CEP250: variants seen among roughly 807,000 people sequenced by gnomAD.
CEP250 encodes the protein centrosome-associated protein CEP250.
CEP250 carries 242 observed loss-of-function variants against 315.7 expected under a neutral mutation model. The observed-to-expected ratio is 0.77, with a 90% CI of 0.69 to 0.85. The LOEUF (loss-of-function observed/expected upper bound fraction) is 0.85, where lower values mean the gene tolerates loss of function less well. Among genes scored for constraint, CEP250 ranks in the 40% least tolerant of loss-of-function variants. The pLI is 0.00. For synonymous variants in CEP250, 1,088 were observed against 1,175.0 expected (o/e 0.93, Z 1.51); for missense variants, 2,515 against 2,886.4 (o/e 0.87, Z 2.95).
intron 3 of CEP250, among the ~76,000 whole-genome samples, 157 bp from the exon 4 acceptor site, chr20:35,462,108 G>T (rs2062769496): frequency 6.6e-6 from 1 of 152,222 alleles, no homozygotes; most frequent in South Asian, 2.1e-4. Flanking sequence ...CACTAGTCCT[G>T]TGAGCTTGTC....
Position 35,501,839 on chromosome 20 carries a change from T to G in CEP250, c.3899-6T>G, listed in dbSNP as rs771741325. ...ACCTCTCCTCTCCTCTCCTCTCTTC[T>G]CAAAGAGAAATCTAAGTGGGAAGGA... On this transcript the variant is annotated splice_region_variant and splice_polypyrimidine_tract_variant and intron_variant, in intron 28 of 34. Transcript: ENST00000397527. The G allele has an allele frequency of 8.8e-6, 14 of 1,595,424 alleles. No individual in the cohort carries two copies. The highest frequency in any genetic ancestry group is 7.0e-5 in the Admixed American group (4 of 56,754).
chr20:35,461,781 G>A (rs1601112780), intron 3 of CEP250, among the ~76,000 whole-genome samples: 2 of 152,190 alleles, frequency 1.3e-5, no homozygotes, highest in Admixed American at 1.3e-4. Flanking sequence ...ACAAAATGAC[G>A]TAATGCATGT....
At chr20:35,501,536 C>T (rs916880588) in intron 28 of CEP250, among the ~76,000 whole-genome samples, 2 of 152,138 alleles carry the variant, frequency 1.3e-5, no homozygotes, top group African/African-American at 4.8e-5. Flanking sequence ...CCAGTGTCAT[C>T]TGGCTCAACC....
rs2064399850 is a variant in CEP250, at chr20:35,513,598, C to T, written c.*1972C>T. On this transcript the variant is annotated 3_prime_UTR_variant, in exon 35 of 35. Coordinates refer to ENST00000397527, the MANE Select transcript of CEP250 (RefSeq NM_007186.6). ...ATGCTAGGAGTTGTCAGAGACAAGA[C>T]TTCTCTTGGTTGTTCACTTGTTACA... The T allele has an allele frequency of 6.6e-6, 1 of 152,212 alleles. No individual in the cohort carries two copies. Among genetic ancestry groups the T allele is most frequent in the Non-Finnish European group, 1.5e-5 (1 of 68,044 alleles). The allele number at this position is 152,212 out of a possible 1,614,324, so 9.4% of individuals were successfully genotyped here. A position where few individuals can be genotyped will look rare whatever the true frequency, so the allele number is the denominator to read the frequency against.
intron 9 of CEP250, 28 bp downstream of exon 9, chr20:35,467,583 G>A (rs773503348): frequency 1.9e-6 from 3 of 1,607,734 alleles, no homozygotes; most frequent in African/African-American, 1.3e-5. Flanking sequence ...CCCAAGAAGG[G>A]TTCGCTGAGA....
At chr20:35,505,481 C>T (rs1329663838) in intron 30 of CEP250, among the ~76,000 whole-genome samples, 2 of 151,984 alleles carry the variant, frequency 1.3e-5, no homozygotes, top group Non-Finnish European at 2.9e-5. Flanking sequence ...GGTGAAACCC[C>T]GTCTCTACTA....
At position 35,511,553 on chromosome 20, in the gene CEP250, C is replaced by T. The variant is rs753961048; in HGVS notation, c.7256C>T (p.Thr2419Ile). 8.1e-6 allele frequency: 13 copies of T among 1,613,956 alleles called. No individual in the cohort carries two copies. The East Asian group carries it at 1.1e-4, about 14-fold the overall frequency. ...AETRRLDESL[T>I]QSLTSPGPVL... The stretch of plus-strand genomic sequence containing the variant: ...ACCCGCAGGCTGGATGAGTCCCTGA[C>T]TCAAAGTCTGACATCCCCAGGGCCA... Residue 2419 changes from threonine to isoleucine, a missense_variant, in exon 35 of 35, where the codon ACT becomes ATT. Thr to Ile is a moderately conservative substitution (Grantham distance 89, BLOSUM62 -1). Coordinates refer to ENST00000397527, the MANE Select transcript of CEP250 (RefSeq NM_007186.6).
At chr20:35,460,447 A>G (rs1601108101) in intron 3 of CEP250, among the ~76,000 whole-genome samples, 2 of 152,218 alleles carry the variant, frequency 1.3e-5, no homozygotes, top group Admixed American at 1.3e-4. Flanking sequence ...CGGTGTGTGC[A>G]TAGGGGAGGC....
chr20:35,486,717 G>A (rs1397751383), intron 20 of CEP250, among the ~76,000 whole-genome samples: 1 of 152,190 alleles, frequency 6.6e-6, no homozygotes, highest in African/African-American at 2.4e-5. Flanking sequence ...AAGTTGACTT[G>A]TGCTTTATGT....
chr20:35,517,063 T>A lies in CEP250; in HGVS notation c.*5437T>A, dbSNP rs1449529620. 1 of 981,368 alleles carries A rather than the reference T, an allele frequency of 1.0e-6. No homozygotes were observed. The highest frequency in any genetic ancestry group is 1.2e-6 in the Non-Finnish European group (1 of 826,286). 60.8% of individuals were successfully genotyped at this position (981,368 alleles called of 1,614,324 possible). A position where few individuals can be genotyped will look rare whatever the true frequency, so the allele number is the denominator to read the frequency against. On this transcript the variant is annotated 3_prime_UTR_variant, in exon 35 of 35. Transcript: ENST00000397527. ...GGAAGCCATGGTCACAGACTCTACA[T>A]TCCCCTCTCCTGTTGGCCTCCATCC...
chr20:35,511,300 G>T, intron 34 of CEP250, 63 bp from the exon 35 acceptor site: 3 of 1,396,324 alleles, frequency 2.1e-6, no homozygotes, highest in East Asian at 2.3e-5. Context: ...AGAGCAGGAA[G>T]AGCTGGGACA....
intron 5 of CEP250, among the ~76,000 whole-genome samples, chr20:35,463,852 A>G (rs1419727843): frequency 1.3e-5 from 2 of 152,298 alleles, no homozygotes; most frequent in Admixed American, 6.5e-5. Flanking sequence ...TGTAAATTAG[A>G]TTGGAAGGAG....
Position 35,494,624 on chromosome 20 carries a change from G to C in CEP250, c.3134G>C (p.Arg1045Pro). The change falls in exon 24 of 35, where the codon CGA (arginine) becomes CCA (proline). Residue 1045 changes from arginine to proline, a missense_variant. Coordinates refer to ENST00000397527, the MANE Select transcript of CEP250 (RefSeq NM_007186.6). ...CTGAGAGAGACCCAGGAGTATAACC[G>C]AATTCAGAAGGAGCTGGAGAGAGAG... The part of the protein sequence containing the change: ...EKLRETQEYN[R>P]IQKELEREKA... 1.2e-6 allele frequency: 2 copies of C among 1,614,104 alleles called. No homozygotes were observed. The highest frequency in any genetic ancestry group is 1.7e-6 in the Non-Finnish European group (2 of 1,180,020).
chr20:35,478,341 C>T (rs888597360), intron 17 of CEP250, among the ~76,000 whole-genome samples: 33 of 152,058 alleles, frequency 2.2e-4, no homozygotes, highest in African/African-American at 6.3e-4. Context: ...CCGAGGCGGG[C>T]GGATCACGAG....
In CEP250 at chr20:35,503,010, C is replaced by A. The variant is rs756300112; in HGVS notation, c.4641C>A (p.Asp1547Glu). The A allele has an allele frequency of 2.5e-6, 4 of 1,614,120 alleles. No homozygotes were observed. In the East Asian group the frequency reaches 8.9e-5, roughly 36 times the overall value. ...MIESQRGQVQDLKKQLVTLEC... is the reference protein window; with the variant it reads ...MIESQRGQVQELKKQLVTLEC... ...AGTCCCAGAGAGGACAGGTTCAGGACCTGAAAAAGCAGTTGGTTACTCTGG... is the reference window on the plus strand; with the variant it reads ...AGTCCCAGAGAGGACAGGTTCAGGAACTGAAAAAGCAGTTGGTTACTCTGG... The change falls in exon 30 of 35, where the codon GAC (aspartate) becomes GAA (glutamate). Residue 1547 changes from aspartate (D) to glutamate (E), a missense_variant. Physicochemically the swap from Asp to Glu is conservative, Grantham distance 45 (BLOSUM62 2). Coordinates refer to ENST00000397527, the MANE Select transcript of CEP250 (RefSeq NM_007186.6). The surrounding 1 kb of genome is among the most constrained non-coding windows in gnomAD (Gnocchi z 4.2).
chr20:35,470,515 T>C (rs147242651), intron 10 of CEP250, among the ~76,000 whole-genome samples: 18 of 152,262 alleles, frequency 1.2e-4, no homozygotes, highest in African/African-American at 3.9e-4. Context: ...TATGGGAAGC[T>C]GAGGCAGGCA....
In CEP250 at chr20:35,518,148, A is replaced by C. The variant is rs1409525173; in HGVS notation, c.*6522A>C. 1 of 137,168 alleles carries C rather than the reference A, an allele frequency of 7.3e-6. No individual in the cohort carries two copies. The highest frequency in any genetic ancestry group is 2.6e-5 in the African/African-American group (1 of 37,954). The allele number at this position is 137,168 out of a possible 1,614,324, so 8.5% of individuals were successfully genotyped here. On this transcript the variant is annotated 3_prime_UTR_variant, in exon 35 of 35. Coordinates refer to ENST00000397527, the MANE Select transcript of CEP250 (RefSeq NM_007186.6). ...GGCAGCGGGTTTTGTTTTTTTTTTA[A>C]CTATGTTTTTCTACTGGCTCACTTT...
intron 24 of CEP250, among the ~76,000 whole-genome samples, chr20:35,495,273 A>G (rs1208329866): frequency 6.6e-6 from 1 of 152,238 alleles, no homozygotes; most frequent in Non-Finnish European, 1.5e-5. Flanking sequence ...ACAGCATTCA[A>G]GATTTGGTAG....
Position 35,502,835 on chromosome 20 carries a change from T to C in CEP250, c.4466T>C (p.Leu1489Ser), listed in dbSNP as rs1384000744. The C allele has an allele frequency of 1.2e-6, 2 of 1,613,512 alleles. No individual in the cohort carries two copies. The highest frequency in any genetic ancestry group is 1.7e-6 in the Non-Finnish European group (2 of 1,179,838). Residue 1489 changes from leucine (L) to serine (S), a missense_variant, in exon 30 of 35, where the codon TTA becomes TCA. By Grantham distance (145) the Leu-to-Ser change is moderately radical (BLOSUM62 -2). Transcript: ENST00000397527. ...GAGCTAGAGAAGTGTAGGTCTGTTT[T>C]AGAGCATCTGCCCATGGCCGTCCAG... ...IQELEKCRSV[L>S]EHLPMAVQER...
Sources: gnomAD v4.1 joint callset for allele counts (sites outside exome capture counted in the v4.1 genomes callset) on GRCh38, gnomAD v4.1.1 for gene constraint, Gnocchi (gnomAD v3.1) non-coding constraint, MANE v1.5 for transcripts, NCBI Gene and HGNC (gene_info 2026-07-23, HGNC 2026-07-21) for gene names.